Variants in EIF2B1 observed in about 807,000 individuals in gnomAD.
The protein encoded by EIF2B1 is eukaryotic translation initiation factor 2B subunit alpha.
EIF2B1 carries 30 observed loss-of-function variants against 36.8 expected under a neutral mutation model. The observed-to-expected ratio is 0.81, with a 90% CI of 0.61 to 1.10. EIF2B1 has a LOEUF of 1.10. EIF2B1 is among the 50% of genes least tolerant of loss of function. The pLI is 0.00. For missense variants in EIF2B1, 271 were observed against 374.8 expected, an observed-to-expected ratio of 0.72 and a Z score of 2.29; for synonymous variants, 139 against 142.2, an observed-to-expected ratio of 0.98 and a Z score of 0.16.
chr12:123,622,455 C>T (rs1379231970), intron 8 of EIF2B1, among the ~76,000 whole-genome samples, 181 bp downstream of exon 8: 1 of 152,182 alleles, frequency 6.6e-6, no homozygotes, highest in African/African-American at 2.4e-5. Context: ...CTTAAAGAGA[C>T]TGAAAGACTG....
In EIF2B1 at chr12:123,620,867, G is replaced by C. The variant is rs1257512226; in HGVS notation, c.*889C>G. The C allele has an allele frequency of 6.6e-6, 1 of 151,652 alleles. No homozygotes were observed. The highest frequency in any genetic ancestry group is 1.5e-5 in the Non-Finnish European group (1 of 67,952). 9.4% of individuals were successfully genotyped at this position (151,652 alleles called of 1,614,324 possible). A position where few individuals can be genotyped will look rare whatever the true frequency, so the allele number is the denominator to read the frequency against. On this transcript the variant is annotated 3_prime_UTR_variant, in exon 9 of 9. Coordinates refer to ENST00000424014, the MANE Select transcript of EIF2B1 (RefSeq NM_001414.4). The stretch of plus-strand genomic sequence containing the variant: ...TTGGTGAATAGCTGAAAAACAGAGG[G>C]ATTAAGTCATATTCCGGGAAAGAGA...
rs745756446 is a variant in EIF2B1, at chr12:123,632,411, CTTCT to C, written c.45_48del (p.Glu16IlefsTer18). 1 of 1,613,766 alleles carries C rather than the reference CTTCT, an allele frequency of 6.2e-7. No homozygotes were observed. Among genetic ancestry groups the C allele is most frequent in the Non-Finnish European group, 8.5e-7 (1 of 1,179,914 alleles). ...GCCACTGCTGAGGCCATGTCAGGATCTTCTTTCATCTGAGACTTAAAGTATTCAA... is the reference window on the plus strand; with the variant it reads ...GCCACTGCTGAGGCCATGTCAGGATCTTCATCTGAGACTTAAAGTATTCAA... On this transcript the variant is annotated frameshift_variant, in exon 2 of 9. Coordinates refer to ENST00000424014, the MANE Select transcript of EIF2B1 (RefSeq NM_001414.4). LOFTEE classifies it high-confidence loss of function.
rs537077333 is a variant in EIF2B1, at chr12:123,629,326, T to G, written c.369+843A>C. ...TATAAACACTGCGTGGCTTTACATC[T>G]CTGTAATAGCATCTAAAATGAAGTT... On this transcript the variant is annotated intron_variant, in intron 4 of 8. Coordinates refer to ENST00000424014, the MANE Select transcript of EIF2B1 (RefSeq NM_001414.4). 6.6e-5 allele frequency among the ~76,000 whole-genome samples: 10 copies of G among 152,296 alleles called. No homozygotes were observed. In the South Asian group the frequency reaches 2.1e-3, roughly 32 times the overall value.
intron 6 of EIF2B1, 135 bp downstream of exon 6, chr12:123,626,290 G>T: frequency 1.0e-6 from 1 of 977,946 alleles, no homozygotes; most frequent in Non-Finnish European, 1.6e-6. Flanking sequence ...CTGGTTTAGG[G>T]CAGCTATTAA....
intron 7 of EIF2B1, among the ~76,000 whole-genome samples, chr12:123,623,797 A>T (rs1327078466): frequency 6.6e-6 from 1 of 152,158 alleles, no homozygotes; most frequent in Non-Finnish European, 1.5e-5. Context: ...ATTTTAACTA[A>T]AAAAAGCTTT....
intron 6 of EIF2B1, 39 bp downstream of exon 6, chr12:123,626,386 T>C: frequency 1.2e-6 from 2 of 1,612,632 alleles, no homozygotes; most frequent in Middle Eastern, 1.7e-4. Context: ...CAGCATGGGG[T>C]GGGGGAGGTG....
chr12:123,632,843 G>T (rs1380574251), intron 1 of EIF2B1, among the ~76,000 whole-genome samples: 1 of 151,286 alleles, frequency 6.6e-6, no homozygotes, highest in Non-Finnish European at 1.5e-5. Flanking sequence ...CTACTTGGGA[G>T]GCTGAGGCAG....
intron 7 of EIF2B1, 80 bp from the exon 8 acceptor site, chr12:123,622,841 T>C: frequency 6.3e-7 from 1 of 1,597,914 alleles, no homozygotes; most frequent in Non-Finnish European, 8.5e-7. Context: ...CCGGGCACAG[T>C]GGTGCATGCC....
In EIF2B1 at chr12:123,627,104, G is replaced by A. The variant is rs1955154872; in HGVS notation, c.422C>T (p.Ala141Val). 4 of 1,614,054 alleles carry A rather than the reference G, an allele frequency of 2.5e-6. No homozygotes were observed. In the African/African-American group the frequency reaches 4.0e-5, roughly 16 times the overall value. Residue 141 changes from alanine to valine, a missense_variant, in exon 5 of 9, where the codon GCC (alanine) becomes GTC (valine). Transcript: ENST00000424014. Reference sequence around the variant, plus strand: ...ACTAAATCGCTTCTTGGCCGCCACGGCTGCTTCCAGGACTCTCAGGACCAC... The same window carrying A: ...ACTAAATCGCTTCTTGGCCGCCACGACTGCTTCCAGGACTCTCAGGACCAC... ...SRVVLRVLEA[A>V]VAAKKRFSVY...
intron 4 of EIF2B1, among the ~76,000 whole-genome samples, chr12:123,629,002 C>T (rs1183804483): frequency 1.3e-5 from 2 of 152,078 alleles, no homozygotes; most frequent in Non-Finnish European, 2.9e-5. Flanking sequence ...AAGGCCCCAG[C>T]GAGAGGAAGT....
intron 5 of EIF2B1, 84 bp from the exon 6 acceptor site, chr12:123,626,577 T>G (rs1038879689): frequency 6.7e-7 from 1 of 1,495,432 alleles, no homozygotes; most frequent in African/African-American, 1.4e-5. Context: ...ACAGTGGATG[T>G]TTGCTTGAAA....
chr12:123,631,504 C>A (rs1432579482), intron 2 of EIF2B1, among the ~76,000 whole-genome samples: 1 of 151,826 alleles, frequency 6.6e-6, no homozygotes, highest in African/African-American at 2.4e-5. Flanking sequence ...GAAACCCTGT[C>A]TCTACTAAAA....
intron 8 of EIF2B1, 122 bp from the exon 9 acceptor site, chr12:123,622,042 A>C (rs1390423849): frequency 7.3e-7 from 1 of 1,366,472 alleles, no homozygotes; most frequent in Non-Finnish European, 1.0e-6. Flanking sequence ...GGAGAAACTA[A>C]GCTATGCAGG....
chr12:123,626,804 C>T lies in EIF2B1; in HGVS notation c.482+240G>A, dbSNP rs573111325. ...CCTATTCCTTGATAAAAATCTTCAT[C>T]AATACAATCTCTGCTCTTCCACGGA... On this transcript the variant is annotated intron_variant, in intron 5 of 8. Transcript: ENST00000424014. 4.4e-6 allele frequency: 3 copies of T among 679,146 alleles called. No homozygotes were observed. In the East Asian group the frequency reaches 8.1e-5, roughly 18 times the overall value. 42.1% of individuals were successfully genotyped at this position (679,146 alleles called of 1,614,324 possible).
intron 4 of EIF2B1, chr12:123,629,946 A>G (rs183323277): frequency 2.0e-5 from 12 of 608,768 alleles, no homozygotes; most frequent in African/African-American, 1.8e-4. Context: ...AAGCCCTCAC[A>G]CCCCTTGCCC....
intron 7 of EIF2B1, among the ~76,000 whole-genome samples, chr12:123,622,994 AATATAG>A (rs1299018222): frequency 1.3e-5 from 2 of 152,172 alleles, no homozygotes; most frequent in Admixed American, 6.5e-5. Flanking sequence ...TTATGTATAT[AATATAG>A]ATATACATAT....
In EIF2B1 at chr12:123,621,659, C is replaced by A. The variant is rs1024151162; in HGVS notation, c.*97G>T. ...CCTTACTCCATAAATCTTCATTAAACACATCTCAGTTTTGGCCTGACTCAC... is the reference window on the plus strand; with the variant it reads ...CCTTACTCCATAAATCTTCATTAAAAACATCTCAGTTTTGGCCTGACTCAC... On this transcript the variant is annotated 3_prime_UTR_variant, in exon 9 of 9. Coordinates refer to ENST00000424014, the MANE Select transcript of EIF2B1 (RefSeq NM_001414.4). 7 of 1,482,236 alleles carry A rather than the reference C, an allele frequency of 4.7e-6. No homozygotes were observed. The African/African-American group carries it at 9.7e-5, about 21-fold the overall frequency. The allele number at this position is 1,482,236 out of a possible 1,614,324, so 91.8% of individuals were successfully genotyped here. A position where few individuals can be genotyped will look rare whatever the true frequency, so the allele number is the denominator to read the frequency against.
intron 4 of EIF2B1, among the ~76,000 whole-genome samples, chr12:123,629,350 T>C (rs780978869): frequency 1.2e-4 from 18 of 152,166 alleles, no homozygotes; most frequent in Non-Finnish European, 5.9e-5. Flanking sequence ...TAAAATGAAG[T>C]TAAAAAGAAA....
At chr12:123,631,116 C>G (rs1955183615) in intron 2 of EIF2B1, among the ~76,000 whole-genome samples, 1 of 152,184 alleles carries the variant, frequency 6.6e-6, no homozygotes, top group African/African-American at 2.4e-5. Context: ...TGTACAGAAT[C>G]TGGCACAAGG....
Sources: gnomAD v4.1 joint callset for allele counts (sites outside exome capture counted in the v4.1 genomes callset) on GRCh38, gnomAD v4.1.1 for gene constraint, MANE v1.5 for transcripts, NCBI Gene and HGNC (gene_info 2026-07-23, HGNC 2026-07-21) for gene names.